MICALL1: variants seen among roughly 807,000 people sequenced by gnomAD.
MICALL1 encodes MICAL-like protein 1.
A neutral mutation model predicts 83.7 loss-of-function variants in MICALL1; 61 were observed. The observed-to-expected ratio is 0.73, with a 90% CI of 0.59 to 0.90. MICALL1 has a LOEUF of 0.90. MICALL1 is among the 40% of genes least tolerant of loss of function. The pLI, the probability that MICALL1 is intolerant of heterozygous loss-of-function variation, is 0.00. For synonymous variants in MICALL1, 481 were observed against 473.6 expected (o/e 1.02, Z -0.20); for missense variants, 1,066 against 1,152.0 (o/e 0.93, Z 1.08).
intron 6 of MICALL1, among the ~76,000 whole-genome samples, chr22:37,923,619 C>G (rs898140832): frequency 6.6e-6 from 1 of 152,238 alleles, no homozygotes; most frequent in African/African-American, 2.4e-5. Flanking sequence ...GCAAACAATA[C>G]AGACCCAGGC....
intron 9 of MICALL1, among the ~76,000 whole-genome samples, chr22:37,928,425 C>G (rs979756702): frequency 4.6e-5 from 7 of 152,202 alleles, no homozygotes; most frequent in African/African-American, 1.7e-4. Flanking sequence ...CCAAGATGGT[C>G]TCGATCTCCT....
At chr22:37,934,083 G>A (rs929199962) in intron 13 of MICALL1, among the ~76,000 whole-genome samples, 4 of 152,218 alleles carry the variant, frequency 2.6e-5, no homozygotes, top group African/African-American at 9.6e-5. Flanking sequence ...GAGCCACAGC[G>A]GCGCCCTGTG....
At chr22:37,914,433 G>A (rs564327053) in intron 3 of MICALL1, among the ~76,000 whole-genome samples, 1 of 150,778 alleles carries the variant, frequency 6.6e-6, no homozygotes, top group Admixed American at 6.6e-5. Context: ...CACCATGTTG[G>A]CCAGGCTGGT....
At chr22:37,913,561 G>A (rs1053233040) in intron 3 of MICALL1, among the ~76,000 whole-genome samples, 5 of 152,234 alleles carry the variant, frequency 3.3e-5, no homozygotes, top group African/African-American at 1.2e-4. Context: ...ACTGAGAGCT[G>A]AGAGGCTGGG....
At chr22:37,922,786 GTTTTTTTTTGT>G (rs1226992553) in intron 6 of MICALL1, among the ~76,000 whole-genome samples, 2 of 83,998 alleles carry the variant, frequency 2.4e-5, no homozygotes, top group African/African-American at 8.8e-5. Context: ...ATTTTGTTTT[GTTTTTTTTTGT>G]TTTTTTTTTT....
intron 3 of MICALL1, among the ~76,000 whole-genome samples, chr22:37,916,303 A>G (rs1928672796): frequency 6.6e-6 from 1 of 152,230 alleles, no homozygotes; most frequent in Admixed American, 6.5e-5. Flanking sequence ...TCAGCCTCGC[A>G]ATGTATTTTC....
chr22:37,916,103 G>C (rs1928659950), intron 3 of MICALL1, among the ~76,000 whole-genome samples: 1 of 152,032 alleles, frequency 6.6e-6, no homozygotes, highest in African/African-American at 2.4e-5. Flanking sequence ...TGGGTGGGGT[G>C]TGGGCAGCTG....
intron 3 of MICALL1, among the ~76,000 whole-genome samples, chr22:37,916,272 T>C (rs1452864710): frequency 6.6e-6 from 1 of 152,244 alleles, no homozygotes; most frequent in African/African-American, 2.4e-5. Context: ...CAGACAGTCC[T>C]TTGTTATGCT....
chr22:37,906,553 A>C lies in MICALL1; in HGVS notation c.131A>C (p.His44Pro). ...GLAFCAILHR[H>P]RPDLLDFDSL... ...GCCTTCTGCGCCATCCTGCACCGGCACCGGCCCGACCTGCTGTGAGTGCGG... is the reference window on the plus strand; with the variant it reads ...GCCTTCTGCGCCATCCTGCACCGGCCCCGGCCCGACCTGCTGTGAGTGCGG... The change falls in exon 1 of 16, where the codon CAC (histidine) becomes CCC (proline). Residue 44 changes from histidine to proline, a missense_variant. By Grantham distance (77) the His-to-Pro change is moderately conservative. Transcript: ENST00000215957. The surrounding 1 kb of genome is among the most constrained non-coding windows in gnomAD (Gnocchi z 4.4). 1.7e-6 allele frequency: 2 copies of C among 1,179,976 alleles called. No individual in the cohort carries two copies. The highest frequency in any genetic ancestry group is 2.1e-6 in the Non-Finnish European group (2 of 948,966). The allele number at this position is 1,179,976 out of a possible 1,614,324, so 73.1% of individuals were successfully genotyped here.
chr22:37,912,880 C>T (rs1413957658), intron 3 of MICALL1, among the ~76,000 whole-genome samples: 1 of 151,808 alleles, frequency 6.6e-6, no homozygotes, highest in Non-Finnish European at 1.5e-5. Context: ...CCAGGCTGGT[C>T]TCAAACTCTT....
intron 9 of MICALL1, among the ~76,000 whole-genome samples, chr22:37,929,141 C>T (rs1243484154): frequency 6.6e-6 from 1 of 152,090 alleles, no homozygotes; most frequent in Non-Finnish European, 1.5e-5. Flanking sequence ...TGTCTTTGGC[C>T]TCCAGGGGCT....
At chr22:37,935,897 T>A (rs1438301100) in intron 13 of MICALL1, among the ~76,000 whole-genome samples, 2 of 151,964 alleles carry the variant, frequency 1.3e-5, no homozygotes, top group Non-Finnish European at 2.9e-5. Flanking sequence ...ACCCCGCTAA[T>A]TTTTGTATTT....
intron 13 of MICALL1, among the ~76,000 whole-genome samples, chr22:37,934,069 C>T (rs1236578176): frequency 6.6e-6 from 1 of 152,248 alleles, no homozygotes; most frequent in East Asian, 1.9e-4. Flanking sequence ...GTGGCCACCA[C>T]TCAGAGCCAC....
intron 8 of MICALL1, 62 bp downstream of exon 8, chr22:37,926,105 G>A: frequency 6.6e-7 from 1 of 1,505,992 alleles, no homozygotes; most frequent in Non-Finnish European, 8.9e-7. Context: ...CCGGGCCTGG[G>A]GAGGGGGTGT....
chr22:37,931,638 C>A (rs1929790579), intron 9 of MICALL1, among the ~76,000 whole-genome samples, 161 bp from the exon 10 acceptor site: 1 of 152,198 alleles, frequency 6.6e-6, no homozygotes, highest in Non-Finnish European at 1.5e-5. Flanking sequence ...TATTGAATGA[C>A]TGAGTGCATC....
Position 37,932,986 on chromosome 22 carries a change from G to A in MICALL1, c.2235-53G>A. ...CCTCATCAGTAACAGCGCAGGGCAG[G>A]GCAGCCGGGGCTCGGGCAGAATTGT... On this transcript the variant is annotated intron_variant, in intron 12 of 15. Transcript: ENST00000215957. The surrounding 1 kb of genome is among the most constrained non-coding windows in gnomAD (Gnocchi z 4.4). 3.1e-6 allele frequency: 5 copies of A among 1,613,200 alleles called. No individual in the cohort carries two copies. The Admixed American group carries it at 8.3e-5, about 27-fold the overall frequency.
Position 37,906,311 on chromosome 22 carries a change from G to C in MICALL1, c.-112G>C, listed in dbSNP as rs1372317747. ...CCCCTCCCCTCGCCTGCCGGTCGGCGCCCGAGCTCGGAGCCGCAGCCGCAG... is the reference window on the plus strand; with the variant it reads ...CCCCTCCCCTCGCCTGCCGGTCGGCCCCCGAGCTCGGAGCCGCAGCCGCAG... On this transcript the variant is annotated 5_prime_UTR_variant, in exon 1 of 16. Transcript: ENST00000215957. The surrounding 1 kb of genome is among the most constrained non-coding windows in gnomAD (Gnocchi z 4.4). 4 of 814,572 alleles carry C rather than the reference G, an allele frequency of 4.9e-6. No homozygotes were observed. The highest frequency in any genetic ancestry group is 5.9e-6 in the Non-Finnish European group (4 of 674,392). The allele number at this position is 814,572 out of a possible 1,614,324, so 50.5% of individuals were successfully genotyped here.
chr22:37,912,096 G>T, intron 2 of MICALL1, 96 bp downstream of exon 2: 2 of 1,431,384 alleles, frequency 1.4e-6, no homozygotes, highest in Non-Finnish European at 2.0e-6. Context: ...TTGCACGGTG[G>T]CTGCCCTTGT....
At chr22:37,918,000 G>A (rs1406954449) in intron 4 of MICALL1, among the ~76,000 whole-genome samples, 3 of 152,194 alleles carry the variant, frequency 2.0e-5, no homozygotes, top group East Asian at 1.9e-4. Context: ...GGCCAGTCCC[G>A]TTCTATGGGC....
Sources: gnomAD v4.1 joint callset for allele counts (sites outside exome capture counted in the v4.1 genomes callset) on GRCh38, gnomAD v4.1.1 for gene constraint, Gnocchi (gnomAD v3.1) non-coding constraint, MANE v1.5 for transcripts, NCBI Gene and HGNC (gene_info 2026-07-23, HGNC 2026-07-21) for gene names.